CDH23: variants seen among roughly 807,000 people sequenced by gnomAD.
The protein encoded by CDH23 is cadherin-23.
Under a neutral mutation model 317.1 loss-of-function variants are expected in CDH23, and 189 were observed. The observed-to-expected ratio is 0.60, with a 90% CI of 0.53 to 0.67. The LOEUF is 0.67. Ranked by LOEUF, CDH23 falls within the 30% of genes least tolerant of loss-of-function variation. CDH23 has a pLI of 0.00. For synonymous variants in CDH23, 1,839 were observed against 1,876.8 expected (o/e 0.98, Z 0.52); for missense variants, 4,401 against 4,592.4 (o/e 0.96, Z 1.20).
At chr10:71,458,563 T>C (rs1850812874) in intron 3 of CDH23, among the ~76,000 whole-genome samples, 1 of 152,242 alleles carries the variant, frequency 6.6e-6, no homozygotes, top group Non-Finnish European at 1.5e-5. Context: ...ATTGTTTTTA[T>C]TGAGCAATTC....
At chr10:71,686,708 C>T (rs1477250545) in intron 18 of CDH23, among the ~76,000 whole-genome samples, 14 of 152,128 alleles carry the variant, frequency 9.2e-5, no homozygotes, top group Admixed American at 9.2e-4. Flanking sequence ...CCCAACGGTG[C>T]CGGGACTCAG....
At chr10:71,452,374 GGAA>G (rs567936440) in intron 3 of CDH23, among the ~76,000 whole-genome samples, 20 of 152,312 alleles carry the variant, frequency 1.3e-4, no homozygotes, top group African/African-American at 4.8e-4. Context: ...AGTGCCTGCA[GGAA>G]GAAGTAGAGC....
chr10:71,764,189 T>C (rs1030098869), intron 38 of CDH23, among the ~76,000 whole-genome samples: 1 of 152,152 alleles, frequency 6.6e-6, no homozygotes, highest in Non-Finnish European at 1.5e-5. Context: ...TAACGCAGGA[T>C]CTAGGCAGAA....
chr10:71,804,555 G>A (rs780541072), intron 55 of CDH23, among the ~76,000 whole-genome samples: 5 of 152,098 alleles, frequency 3.3e-5, no homozygotes, highest in Non-Finnish European at 7.4e-5. Context: ...GAGGTCCTGC[G>A]GGAGAAAACT....
chr10:71,540,050 G>A (rs888875134), intron 6 of CDH23, among the ~76,000 whole-genome samples: 5 of 152,174 alleles, frequency 3.3e-5, no homozygotes, highest in East Asian at 1.9e-4. Flanking sequence ...ACAGGACCCC[G>A]CTAGTGTGCT....
intron 3 of CDH23, among the ~76,000 whole-genome samples, chr10:71,458,080 C>T (rs573060563): frequency 2.0e-5 from 3 of 152,324 alleles, no homozygotes; most frequent in Non-Finnish European, 4.4e-5. Context: ...GAGCTGAATA[C>T]CCTCCAGCTG....
intron 38 of CDH23, chr10:71,761,924 T>C: frequency 6.2e-7 from 1 of 1,614,046 alleles, no homozygotes; most frequent in Non-Finnish European, 8.5e-7. Flanking sequence ...ATCGTGCCCT[T>C]TGTCCACAGG....
intron 11 of CDH23, among the ~76,000 whole-genome samples, chr10:71,630,832 C>T (rs746221627): frequency 9.9e-5 from 15 of 152,204 alleles, no homozygotes; most frequent in Non-Finnish European, 2.1e-4. Context: ...TCAGCTGGCT[C>T]TCCCAGATTC....
At chr10:71,526,394 C>G (rs78299267) in intron 6 of CDH23, among the ~76,000 whole-genome samples, 2 of 152,190 alleles carry the variant, frequency 1.3e-5, no homozygotes, top group African/African-American at 4.8e-5. Flanking sequence ...GAGGGACTTC[C>G]CCCGTTTCTG....
At chr10:71,785,464 G>A (rs1346921950) in intron 43 of CDH23, among the ~76,000 whole-genome samples, 167 bp from the exon 44 acceptor site, 1 of 152,218 alleles carries the variant, frequency 6.6e-6, no homozygotes, top group Non-Finnish European at 1.5e-5. Flanking sequence ...GCCTGGGCAT[G>A]AGTGGGTCAC....
At position 71,751,692 on chromosome 10, in the gene CDH23, C is replaced by T. The variant is rs200507926; in HGVS notation, c.4845+9771C>T. On this transcript the variant is annotated intron_variant, in intron 38 of 69. Transcript: ENST00000224721. This position sits in a 1 kb window ranked among gnomAD's most constrained non-coding sequence, Gnocchi z 4.9. ...CCCAGGGATGGGAAGAAGACGTCTC[C>T]GGGGCCTGGAGGAGACAGGGGGGTG... 1.5e-5 allele frequency: 23 copies of T among 1,546,282 alleles called. No individual in the cohort carries two copies. Among genetic ancestry groups the T allele is most frequent in the South Asian group, 2.5e-5 (2 of 80,746 alleles).
chr10:71,727,045 G>A (rs771452916), intron 30 of CDH23, among the ~76,000 whole-genome samples: 9 of 152,186 alleles, frequency 5.9e-5, no homozygotes, highest in East Asian at 1.9e-4. Context: ...CGTCCTGCCC[G>A]TCTCCCCTGA....
chr10:71,538,471 G>A (rs1855821651), intron 6 of CDH23, among the ~76,000 whole-genome samples: 1 of 152,214 alleles, frequency 6.6e-6, no homozygotes, highest in Admixed American at 6.5e-5. Flanking sequence ...ACTTGTTCTA[G>A]GGCCCGTGAT....
chr10:71,606,449 T>C (rs1333823793), intron 9 of CDH23, among the ~76,000 whole-genome samples: 1 of 152,218 alleles, frequency 6.6e-6, no homozygotes, highest in Non-Finnish European at 1.5e-5. Flanking sequence ...GTCTTTATGA[T>C]GTGTGACATC....
chr10:71,412,157 C>A (rs1848368782), intron 1 of CDH23, among the ~76,000 whole-genome samples: 1 of 152,190 alleles, frequency 6.6e-6, no homozygotes, highest in African/African-American at 2.4e-5. Flanking sequence ...CTTTTAAAAG[C>A]TGAATAATAT....
chr10:71,809,539 A>G (rs1202202199), intron 60 of CDH23, among the ~76,000 whole-genome samples: 3 of 152,168 alleles, frequency 2.0e-5, no homozygotes, highest in Non-Finnish European at 4.4e-5. Flanking sequence ...ACAGACACTC[A>G]GGGGGCTCAG....
At chr10:71,439,537 C>T (rs765413364) in intron 1 of CDH23, among the ~76,000 whole-genome samples, 5 of 152,188 alleles carry the variant, frequency 3.3e-5, no homozygotes, top group African/African-American at 4.8e-5. Context: ...AGAGTCCCCT[C>T]GCAGGACAGC....
chr10:71,681,155 C>T (rs967788681), intron 17 of CDH23, among the ~76,000 whole-genome samples: 1 of 152,046 alleles, frequency 6.6e-6, no homozygotes, highest in Non-Finnish European at 1.5e-5. Context: ...CTTAAAAGTT[C>T]CATGCTTCTG....
intron 38 of CDH23, chr10:71,753,759 C>T (rs751934084): frequency 6.6e-6 from 3 of 456,278 alleles, no homozygotes; most frequent in Admixed American, 2.3e-5. Context: ...CTGCTGATTA[C>T]GATGGGGAAA....
Sources: gnomAD v4.1 joint callset for allele counts (sites outside exome capture counted in the v4.1 genomes callset) on GRCh38, gnomAD v4.1.1 for gene constraint, Gnocchi (gnomAD v3.1) non-coding constraint, MANE v1.5 for transcripts, NCBI Gene and HGNC (gene_info 2026-07-23, HGNC 2026-07-21) for gene names.